The following RSBN1 variants were observed in gnomAD, a reference collection of about 807,000 sequenced individuals.
RSBN1 encodes round spermatid basic protein 1.
Under a neutral mutation model 74.8 loss-of-function variants are expected in RSBN1, and 23 were observed. The ratio of observed to expected loss-of-function variants is 0.31; its 90% CI spans 0.22 to 0.44. RSBN1 has a LOEUF of 0.44. RSBN1 is among the 20% of genes least tolerant of loss of function. The pLI is 1.00. For missense variants in RSBN1, 808 were observed against 1,020.9 expected (o/e 0.79, Z 2.84); for synonymous variants, 407 against 379.6 (o/e 1.07, Z -0.84).
At chr1:113,808,017 T>C (rs1011438562) in intron 1 of RSBN1, among the ~76,000 whole-genome samples, 1 of 152,136 alleles carries the variant, frequency 6.6e-6, no homozygotes, top group Non-Finnish European at 1.5e-5. Flanking sequence ...CAATACCAGA[T>C]ACTGGCAAGA....
intron 4 of RSBN1, among the ~76,000 whole-genome samples, chr1:113,776,859 G>A (rs1023733894): frequency 8.0e-5 from 12 of 149,356 alleles, no homozygotes; most frequent in Non-Finnish European, 1.8e-4. Context: ...AGTTATGATA[G>A]ACTATGGTTT....
At chr1:113,808,598 G>A (rs943880945) in intron 1 of RSBN1, among the ~76,000 whole-genome samples, 12 of 152,226 alleles carry the variant, frequency 7.9e-5, no homozygotes, top group East Asian at 3.9e-4. Context: ...TTTCTTATAC[G>A]GGAATGATTC....
At position 113,811,852 on chromosome 1, in the gene RSBN1, G is replaced by A; in HGVS notation, c.561C>T (p.Gly187=). The change falls in exon 1 of 7, where the codon GGC becomes GGT. Residue 187 remains glycine (G), a synonymous_variant. Coordinates refer to ENST00000261441, the MANE Select transcript of RSBN1 (RefSeq NM_018364.5). Reference sequence around the variant, plus strand: ...GATGGTGCTTGTGCCGCTCCTTGTGGCCCTTATGCTTGGGCCCGGCCGCGC... The same window carrying A: ...GATGGTGCTTGTGCCGCTCCTTGTGACCCTTATGCTTGGGCCCGGCCGCGC... ...TVSAAGPKHK[G]HKERHKHHHH... The A allele has an allele frequency of 6.2e-7, 1 of 1,613,688 alleles. No homozygotes were observed. The highest frequency in any genetic ancestry group is 1.1e-5 in the South Asian group (1 of 91,064).
At chr1:113,809,877 G>A (rs555312624) in intron 1 of RSBN1, among the ~76,000 whole-genome samples, 2 of 152,148 alleles carry the variant, frequency 1.3e-5, no homozygotes, top group South Asian at 2.1e-4. Flanking sequence ...AACCACATAC[G>A]GCTACCATAT....
intron 1 of RSBN1, among the ~76,000 whole-genome samples, chr1:113,805,018 T>C (rs960557510): frequency 1.3e-5 from 2 of 152,244 alleles, no homozygotes; most frequent in East Asian, 3.9e-4. Context: ...CTGTCCTTCC[T>C]TTCTTTCCTT....
Position 113,798,153 on chromosome 1 carries a change from C to A in RSBN1, c.704-117G>T, listed in dbSNP as rs545237741. On this transcript the variant is annotated intron_variant, in intron 1 of 6. Transcript: ENST00000261441. ...CTCAATTTCTCTGAATTTGCTATTA[C>A]AACTTACGTGTTTAGAAAACAAATG... is the stretch of plus-strand genomic sequence containing the variant. 72 of 831,342 alleles carry A rather than the reference C, an allele frequency of 8.7e-5. No individual in the cohort carries two copies. In the African/African-American group the frequency reaches 1.1e-3, roughly 12 times the overall value. The allele number at this position is 831,342 out of a possible 1,614,324, so 51.5% of individuals were successfully genotyped here.
chr1:113,771,443 G>C (rs1372595068), intron 4 of RSBN1, among the ~76,000 whole-genome samples: 1 of 151,880 alleles, frequency 6.6e-6, no homozygotes, highest in African/African-American at 2.4e-5. Context: ...GGAAGTCCTA[G>C]GTGGATAACT....
intron 1 of RSBN1, among the ~76,000 whole-genome samples, chr1:113,801,301 C>CT (rs1389759471): frequency 6.6e-6 from 1 of 152,114 alleles, no homozygotes; most frequent in African/African-American, 2.4e-5. Context: ...TGACTTTTAT[C>CT]TAACTTAGGG....
intron 2 of RSBN1, among the ~76,000 whole-genome samples, chr1:113,789,475 CA>C (rs1288173487): frequency 6.6e-6 from 1 of 152,162 alleles, no homozygotes; most frequent in Non-Finnish European, 1.5e-5. Flanking sequence ...AACCCATAAA[CA>C]TAAGTATTTC....
rs1332822483 is a variant in RSBN1 at position 113,803,058 on chromosome 1, A to G, written c.704-5022T>C. On this transcript the variant is annotated intron_variant, in intron 1 of 6. Transcript: ENST00000261441. ...CCACTGATCTTTTAACTTTCTTGAT[A>G]GTTTTGCCTTTTCCAGAGTGTCATA... 2.0e-5 allele frequency among the ~76,000 whole-genome samples: 3 copies of G among 152,292 alleles called. No homozygotes were observed. In the East Asian group the frequency reaches 5.8e-4, roughly 29 times the overall value.
chr1:113,783,673 A>G (rs753696728), intron 2 of RSBN1, among the ~76,000 whole-genome samples: 1 of 152,150 alleles, frequency 6.6e-6, no homozygotes, highest in Non-Finnish European at 1.5e-5. Context: ...TCTTCAGGGC[A>G]TACCTTTATA....
At chr1:113,803,645 T>C (rs543080833) in intron 1 of RSBN1, among the ~76,000 whole-genome samples, 4 of 152,282 alleles carry the variant, frequency 2.6e-5, no homozygotes, top group Middle Eastern at 6.8e-3. Flanking sequence ...ACTACTATTA[T>C]TGCCAAAAAC....
intron 1 of RSBN1, among the ~76,000 whole-genome samples, chr1:113,802,677 A>G (rs1660609181): frequency 6.6e-6 from 1 of 151,722 alleles, no homozygotes. Context: ...TATACTTTCT[A>G]GAACTTTTTT....
chr1:113,777,187 A>G (rs1660049422), intron 4 of RSBN1, 23 bp downstream of exon 4: 1 of 1,595,172 alleles, frequency 6.3e-7, no homozygotes, highest in Non-Finnish European at 8.5e-7. Flanking sequence ...AGTTTTGCTT[A>G]TTTGAGAAAA....
At chr1:113,805,788 T>C (rs1207902385) in intron 1 of RSBN1, among the ~76,000 whole-genome samples, 2 of 152,216 alleles carry the variant, frequency 1.3e-5, no homozygotes, top group Non-Finnish European at 2.9e-5. Flanking sequence ...TAAATACTGT[T>C]GAACTGCTGT....
chr1:113,796,806 A>C (rs908934032), intron 2 of RSBN1, among the ~76,000 whole-genome samples: 4 of 152,264 alleles, frequency 2.6e-5, no homozygotes, highest in Non-Finnish European at 4.4e-5. Flanking sequence ...CTAGCTGCCC[A>C]TGCAAGGCTT....
intron 2 of RSBN1, among the ~76,000 whole-genome samples, chr1:113,791,848 T>C (rs1660373160): frequency 6.6e-6 from 1 of 152,212 alleles, no homozygotes; most frequent in Non-Finnish European, 1.5e-5. Flanking sequence ...TTCTGAGCTA[T>C]TTCCCAAGCT....
chr1:113,798,149 AT>A, intron 1 of RSBN1, 113 bp from the exon 2 acceptor site: 2 of 880,258 alleles, frequency 2.3e-6, no homozygotes, highest in Non-Finnish European at 3.5e-6. Flanking sequence ...TGAATTTGCT[AT>A]TACAACTTAC....
chr1:113,770,971 G>A (rs1037893779), intron 4 of RSBN1, among the ~76,000 whole-genome samples: 7 of 151,870 alleles, frequency 4.6e-5, no homozygotes, highest in Non-Finnish European at 8.8e-5. Context: ...AACCAATTAA[G>A]TAAGAAAAAT....
Sources: allele counts gnomAD v4.1 joint callset (sites outside exome capture counted in the v4.1 genomes callset), GRCh38; gene constraint gnomAD v4.1.1; transcripts MANE v1.5; gene names NCBI Gene and HGNC (gene_info 2026-07-23, HGNC 2026-07-21).